The following NRG1 variants were observed in gnomAD, a reference collection of about 807,000 sequenced individuals.
The protein encoded by NRG1 is neuregulin 1, also known as pro-neuregulin-1, membrane-bound isoform.
A neutral mutation model predicts 63.8 loss-of-function variants in NRG1; 18 were observed. The observed-to-expected ratio is 0.28, with a 90% CI of 0.19 to 0.42. The LOEUF (loss-of-function observed/expected upper bound fraction) is 0.42, where lower values mean the gene tolerates loss of function less well. NRG1 is among the 10% of genes least tolerant of loss of function. The pLI is 1.00. For synonymous variants in NRG1, 302 were observed against 301.3 expected, an observed-to-expected ratio of 1.00 and a Z score of -0.02; for missense variants, 762 against 814.7, an observed-to-expected ratio of 0.94 and a Z score of 0.79.
chr8:32,760,494 C>T, intron 11 of NRG1, 88 bp downstream of exon 11: 1 of 1,581,702 alleles, frequency 6.3e-7, no homozygotes, highest in Non-Finnish European at 8.6e-7. Flanking sequence ...AGGAAATCTA[C>T]TCTAATCAGA....
At chr8:32,045,046 G>A (rs1820790302) in intron 1 of NRG1, among the ~76,000 whole-genome samples, 1 of 151,320 alleles carries the variant, frequency 6.6e-6, no homozygotes, top group South Asian at 2.1e-4. Context: ...TCTTGAAAGA[G>A]ATTAATCAAA....
At chr8:32,027,296 A>T (rs1212024137) in intron 1 of NRG1, among the ~76,000 whole-genome samples, 1 of 152,170 alleles carries the variant, frequency 6.6e-6, no homozygotes, top group African/African-American at 2.4e-5. Context: ...AATATTTAGG[A>T]CATGTATATG....
intron 1 of NRG1, among the ~76,000 whole-genome samples, chr8:31,968,285 G>A (rs1456306500): frequency 6.6e-6 from 1 of 152,164 alleles, no homozygotes; most frequent in Non-Finnish European, 1.5e-5. Flanking sequence ...GTGCTGTATT[G>A]AGAAGGATTT....
chr8:32,330,808 C>T (rs183361594), intron 1 of NRG1, among the ~76,000 whole-genome samples: 6 of 152,274 alleles, frequency 3.9e-5, no homozygotes, highest in African/African-American at 1.2e-4. Flanking sequence ...ATATTCACAG[C>T]GTCGTTTTCA....
intron 1 of NRG1, among the ~76,000 whole-genome samples, chr8:32,261,452 CT>C (rs1463955773): frequency 6.6e-6 from 1 of 151,736 alleles, no homozygotes; most frequent in Non-Finnish European, 1.5e-5. Context: ...GAAACGGAGG[CT>C]TTTCTTACTA....
chr8:32,643,549 G>A (rs1002967792), intron 5 of NRG1, among the ~76,000 whole-genome samples: 1 of 152,160 alleles, frequency 6.6e-6, no homozygotes, highest in Non-Finnish European at 1.5e-5. Context: ...CACCTCACCT[G>A]CAGCACCAGC....
chr8:31,881,784 C>A (rs571847787), intron 1 of NRG1, among the ~76,000 whole-genome samples: 1 of 152,224 alleles, frequency 6.6e-6, no homozygotes, highest in Admixed American at 6.5e-5. Context: ...CCACAACATT[C>A]TCTTAAGCCA....
intron 7 of NRG1, among the ~76,000 whole-genome samples, chr8:32,746,867 CTTT>C (rs376346951): frequency 1.0e-3 from 127 of 127,260 alleles, no homozygotes; most frequent in Middle Eastern, 4.1e-3. Flanking sequence ...GTGTATTCTG[CTTT>C]TTTTTTTTTT....
intron 1 of NRG1, among the ~76,000 whole-genome samples, chr8:32,413,373 A>G (rs942775283): frequency 1.3e-5 from 2 of 152,198 alleles, no homozygotes; most frequent in African/African-American, 4.8e-5. Context: ...AAGCCTGAGG[A>G]GAGATGGTAA....
chr8:32,317,879 G>T (rs1800943833), intron 1 of NRG1, among the ~76,000 whole-genome samples: 1 of 152,164 alleles, frequency 6.6e-6, no homozygotes. Context: ...CCCTGAAGCA[G>T]TAGAGGGTGC....
chr8:32,643,671 C>T (rs1433512530), intron 5 of NRG1, among the ~76,000 whole-genome samples: 3 of 152,178 alleles, frequency 2.0e-5, no homozygotes, highest in African/African-American at 7.2e-5. Flanking sequence ...CAATACATAA[C>T]TGAAATCGCT....
At chr8:32,049,052 C>T (rs370729342) in intron 1 of NRG1, among the ~76,000 whole-genome samples, 48 of 151,918 alleles carry the variant, frequency 3.2e-4, no homozygotes, top group African/African-American at 8.0e-4. Context: ...ACTTGAAGAC[C>T]GCAAAGCTTC....
intron 1 of NRG1, among the ~76,000 whole-genome samples, chr8:32,273,831 C>T (rs1851803831): frequency 6.6e-6 from 1 of 152,122 alleles, no homozygotes; most frequent in Non-Finnish European, 1.5e-5. Context: ...TGACTGGTAA[C>T]TTTAAACATG....
intron 1 of NRG1, among the ~76,000 whole-genome samples, chr8:32,357,388 G>A (rs1340191121): frequency 6.6e-6 from 1 of 152,270 alleles, no homozygotes; most frequent in African/African-American, 2.4e-5. Flanking sequence ...ACAATAAAAG[G>A]CCAAAGTTTT....
chr8:32,431,879 T>C (rs757601581), intron 1 of NRG1, among the ~76,000 whole-genome samples: 9 of 152,144 alleles, frequency 5.9e-5, no homozygotes, highest in Non-Finnish European at 1.3e-4. Flanking sequence ...ACACTATCAG[T>C]AGGGATAATA....
chr8:32,267,568 C>T (rs982369531), intron 1 of NRG1, among the ~76,000 whole-genome samples: 1 of 152,210 alleles, frequency 6.6e-6, no homozygotes, highest in Middle Eastern at 3.4e-3. Context: ...ATTTCTTGTA[C>T]CAAATGAAGG....
Position 32,481,213 on chromosome 8 carries a change from G to T in NRG1, c.38-114615G>T, listed in dbSNP as rs573246770. On this transcript the variant is annotated intron_variant, in intron 1 of 10. Transcript: ENST00000519301. ...CAAAAATTAGCTGGGTATGTGGGGG[G>T]TGCACAGGTAGTCCCAGCTACTCAA... Among the ~76,000 whole-genome samples the T allele has an allele frequency of 5.3e-5, 8 of 151,912 alleles. No individual in the cohort carries two copies. In the South Asian group the frequency reaches 1.7e-3, roughly 32 times the overall value.
exon 12 of NRG1, chr8:32,764,773 A>G (rs1213845166): frequency 1.2e-5 from 2 of 165,708 alleles, no homozygotes; most frequent in Non-Finnish European, 2.6e-5. Flanking sequence ...CAAGACTTGC[A>G]ACTGTCCCTC....
chr8:32,283,411 A>C (rs1853122104), intron 1 of NRG1, among the ~76,000 whole-genome samples: 1 of 152,166 alleles, frequency 6.6e-6, no homozygotes, highest in African/African-American at 2.4e-5. Context: ...ACCTGGGGCA[A>C]GGTAGTATCC....
Sources: allele counts gnomAD v4.1 joint callset (sites outside exome capture counted in the v4.1 genomes callset), GRCh38; gene constraint gnomAD v4.1.1; transcripts MANE v1.5; gene names NCBI Gene and HGNC (gene_info 2026-07-23, HGNC 2026-07-21).